The following RIMKLA variants were observed in gnomAD, a reference collection of about 807,000 sequenced individuals.
RIMKLA encodes ribosomal modification protein rimK like family member A.
A neutral mutation model predicts 32.7 loss-of-function variants in RIMKLA; 14 were observed. The ratio of observed to expected loss-of-function variants is 0.43; its 90% CI spans 0.28 to 0.67. The LOEUF is 0.67. RIMKLA is among the 30% of genes least tolerant of loss of function. The pLI, the probability that RIMKLA is intolerant of heterozygous loss-of-function variation, is 0.18. For missense variants in RIMKLA, 410 were observed against 519.0 expected, an observed-to-expected ratio of 0.79 and a Z score of 2.04; for synonymous variants, 176 against 204.1, an observed-to-expected ratio of 0.86 and a Z score of 1.18.
intron 1 of RIMKLA, among the ~76,000 whole-genome samples, chr1:42,391,958 A>G (rs576494493): frequency 6.6e-6 from 1 of 152,214 alleles, no homozygotes; most frequent in Admixed American, 6.5e-5. Flanking sequence ...GAAGGCCAAT[A>G]CTGTATCCAC....
rs1643081212 is a variant in RIMKLA, at chr1:42,399,772, C to T, written c.394+138C>T. 3 of 627,638 alleles carry T rather than the reference C, an allele frequency of 4.8e-6. No individual in the cohort carries two copies. The South Asian group carries it at 5.9e-5, about 12-fold the overall frequency. The allele number at this position is 627,638 out of a possible 1,614,324, so 38.9% of individuals were successfully genotyped here. Reference sequence around the variant, plus strand: ...GGCCTATCTGAAATCTTTATCCTGGCCTTTCTATCTGAAAATGCCTTGGCG... The same window carrying T: ...GGCCTATCTGAAATCTTTATCCTGGTCTTTCTATCTGAAAATGCCTTGGCG... On this transcript the variant is annotated intron_variant, in intron 2 of 4. Coordinates refer to ENST00000431473, the MANE Select transcript of RIMKLA (RefSeq NM_173642.4).
chr1:42,413,018 T>C (rs1351722081), intron 4 of RIMKLA, among the ~76,000 whole-genome samples: 3 of 151,836 alleles, frequency 2.0e-5, no homozygotes, highest in East Asian at 1.9e-4. Context: ...CCTGTAGTCC[T>C]AGCTACTTGG....
Position 42,415,067 on chromosome 1 carries a change from A to C in RIMKLA, c.*93A>C, listed in dbSNP as rs926221297. On this transcript the variant is annotated 3_prime_UTR_variant, in exon 5 of 5. Coordinates refer to ENST00000431473, the MANE Select transcript of RIMKLA (RefSeq NM_173642.4). ...TCTGGACTAATGTGATTTCATTTGC[A>C]CAGAAACTAGAAATCCCATCTGGGC... 45 of 1,349,464 alleles carry C rather than the reference A, an allele frequency of 3.3e-5. No homozygotes were observed. Among genetic ancestry groups the C allele is most frequent in the African/African-American group, 4.4e-5 (3 of 68,680 alleles). The allele number at this position is 1,349,464 out of a possible 1,614,324, so 83.6% of individuals were successfully genotyped here. A position where few individuals can be genotyped will look rare whatever the true frequency, so the allele number is the denominator to read the frequency against.
In RIMKLA at chr1:42,408,641, A is replaced by C. The variant is rs150074513; in HGVS notation, c.482-1343A>C. ...TCTCCATGTTGGTCAGGCTGGTCTT[A>C]AACTCCTGACCTGAGGTGATCTGCC... On this transcript the variant is annotated intron_variant, in intron 3 of 4. Transcript: ENST00000431473. 6.6e-4 allele frequency among the ~76,000 whole-genome samples: 100 copies of C among 152,006 alleles called. 2 individuals carry two copies. The East Asian group carries it at 0.016, about 24-fold the overall frequency.
intron 1 of RIMKLA, among the ~76,000 whole-genome samples, chr1:42,398,935 C>G (rs145185038): frequency 1.3e-3 from 182 of 138,124 alleles, no homozygotes; most frequent in Admixed American, 5.9e-3. Context: ...CCACTGCACT[C>G]TAACCTGGGT....
chr1:42,423,973 G>A lies in RIMKLA; in HGVS notation c.*8999G>A, dbSNP rs1643316214. On this transcript the variant is annotated 3_prime_UTR_variant, in exon 5 of 5. Transcript: ENST00000431473. ...CTGAAATTCTCATGAGATGGGTCAG[G>A]GAACCTTGGAGTGGCAGCACTTGTG... Among the ~76,000 whole-genome samples the A allele has an allele frequency of 6.6e-6, 1 of 152,102 alleles. No homozygotes were observed. The highest frequency in any genetic ancestry group is 6.6e-5 in the Admixed American group (1 of 15,258).
At chr1:42,407,961 G>A (rs191807106) in intron 3 of RIMKLA, among the ~76,000 whole-genome samples, 14 of 152,046 alleles carry the variant, frequency 9.2e-5, no homozygotes, top group Admixed American at 2.6e-4. Context: ...TTCTGTACCC[G>A]AAACCAAGAA....
intron 4 of RIMKLA, chr1:42,412,257 C>T (rs563242354): frequency 6.4e-6 from 1 of 156,634 alleles, no homozygotes; most frequent in African/African-American, 2.4e-5. Context: ...AATCTGAAGT[C>T]CTAGCTTTTT....
At position 42,381,007 on chromosome 1, in the gene RIMKLA, G is replaced by A; in HGVS notation, c.73G>A (p.Ala25Thr). ...CTACCCGCAGGTGCAGATCCTGCGCGCCCTCCGGCAGCGCTGCTCCGAGCA... is the reference window on the plus strand; with the variant it reads ...CTACCCGCAGGTGCAGATCCTGCGCACCCTCCGGCAGCGCTGCTCCGAGCA... ...EDYPQVQILRALRQRCSEQDV... is the reference protein window; with the variant it reads ...EDYPQVQILRTLRQRCSEQDV... The change falls in exon 1 of 5, where the codon GCC (alanine) becomes ACC (threonine). Residue 25 changes from alanine to threonine, a missense_variant. Coordinates refer to ENST00000431473, the MANE Select transcript of RIMKLA (RefSeq NM_173642.4). 2 of 1,435,094 alleles carry A rather than the reference G, an allele frequency of 1.4e-6. No individual in the cohort carries two copies. The highest frequency in any genetic ancestry group is 1.4e-5 in the South Asian group (1 of 71,614). The allele number at this position is 1,435,094 out of a possible 1,614,324, so 88.9% of individuals were successfully genotyped here.
At chr1:42,413,995 A>G (rs1261469428) in intron 4 of RIMKLA, among the ~76,000 whole-genome samples, 2 of 151,522 alleles carry the variant, frequency 1.3e-5, no homozygotes, top group Non-Finnish European at 2.9e-5. Context: ...GCCTCAAGCA[A>G]TCCTCTCACG....
intron 1 of RIMKLA, among the ~76,000 whole-genome samples, chr1:42,385,735 CTTTCTTTCTTTCTTTCTTTCTT>C (rs1292110916): frequency 2.2e-5 from 2 of 90,160 alleles, no homozygotes; most frequent in Admixed American, 2.1e-4. Context: ...TTCTTTCTTT[CTTTCTTTCTTTCTTTCTTTCTT>C]TCTTTCTTTC....
intron 1 of RIMKLA, among the ~76,000 whole-genome samples, chr1:42,382,806 T>G (rs1642900419): frequency 6.6e-6 from 1 of 152,154 alleles, no homozygotes; most frequent in African/African-American, 2.4e-5. Flanking sequence ...TCTTAAATGT[T>G]AATAGAATTC....
At chr1:42,411,413 T>C (rs1334841865) in intron 4 of RIMKLA, among the ~76,000 whole-genome samples, 1 of 152,018 alleles carries the variant, frequency 6.6e-6, no homozygotes, top group Non-Finnish European at 1.5e-5. Context: ...TAGATTCAGG[T>C]TGACACACTA....
intron 1 of RIMKLA, among the ~76,000 whole-genome samples, chr1:42,395,959 C>T (rs941301720): frequency 1.3e-5 from 2 of 152,036 alleles, no homozygotes; most frequent in East Asian, 1.9e-4. Context: ...TCAGAGCTAG[C>T]GCTGGGGGCG....
intron 4 of RIMKLA, chr1:42,412,661 G>C (rs748098058): frequency 4.0e-6 from 2 of 494,612 alleles, no homozygotes; most frequent in Non-Finnish European, 8.0e-6. Context: ...ATTTGCCAAC[G>C]TAACTATGCT....
chr1:42,407,681 T>C (rs1263851989), intron 3 of RIMKLA, among the ~76,000 whole-genome samples: 3 of 152,200 alleles, frequency 2.0e-5, no homozygotes, highest in Non-Finnish European at 4.4e-5. Context: ...TCTTTTGATA[T>C]AGTTCTATAT....
Position 42,418,849 on chromosome 1 carries a change from C to G in RIMKLA, c.*3875C>G, listed in dbSNP as rs1156332084. 2 of 152,234 alleles carry G rather than the reference C, an allele frequency of 1.3e-5. No individual in the cohort carries two copies. The highest frequency in any genetic ancestry group is 2.9e-5 in the Non-Finnish European group (2 of 68,050). The allele number at this position is 152,234 out of a possible 1,614,324, so 9.4% of individuals were successfully genotyped here. A position where few individuals can be genotyped will look rare whatever the true frequency, so the allele number is the denominator to read the frequency against. On this transcript the variant is annotated 3_prime_UTR_variant, in exon 5 of 5. Transcript: ENST00000431473. ...CCACAGTGCTGTGTGCAGGCATAGC[C>G]TTAGCAGGTCAGTTTAAGGAGTCAG...
At chr1:42,389,610 G>A (rs1570316606) in intron 1 of RIMKLA, among the ~76,000 whole-genome samples, 2 of 152,034 alleles carry the variant, frequency 1.3e-5, no homozygotes, top group African/African-American at 4.8e-5. Flanking sequence ...TCAGGAGTTC[G>A]AGACCGGCCT....
intron 4 of RIMKLA, 51 bp downstream of exon 4, chr1:42,410,238 A>C: frequency 6.8e-7 from 1 of 1,475,062 alleles, no homozygotes; most frequent in Non-Finnish European, 9.5e-7. Flanking sequence ...CCCATTCAGC[A>C]AATGTATATC....
Sources: gnomAD v4.1 joint callset for allele counts (sites outside exome capture counted in the v4.1 genomes callset) on GRCh38, gnomAD v4.1.1 for gene constraint, MANE v1.5 for transcripts, NCBI Gene and HGNC (gene_info 2026-07-23, HGNC 2026-07-21) for gene names.